SYT16: variants seen among roughly 807,000 people sequenced by gnomAD.
SYT16 encodes synaptotagmin 16.
In SYT16, 42 loss-of-function variants were observed where a neutral mutation model predicts 61.4. The ratio of observed to expected loss-of-function variants is 0.68; its 90% CI spans 0.53 to 0.89. The LOEUF (loss-of-function observed/expected upper bound fraction) is 0.89, where lower values mean the gene tolerates loss of function less well. Ranked by LOEUF, SYT16 falls within the 40% of genes least tolerant of loss-of-function variation. The pLI is 0.00. For synonymous variants in SYT16, 314 were observed against 302.3 expected (o/e 1.04, Z -0.40); for missense variants, 804 against 807.3 (o/e 1.00, Z 0.05).
chr14:62,003,012 G>C (rs1323898177), intron 3 of SYT16, among the ~76,000 whole-genome samples: 1 of 151,990 alleles, frequency 6.6e-6, no homozygotes, highest in South Asian at 2.1e-4. Flanking sequence ...GAATAGCATG[G>C]GGGAAACCAC....
intron 1 of SYT16, among the ~76,000 whole-genome samples, chr14:61,934,630 G>A (rs898145355): frequency 5.3e-5 from 8 of 152,314 alleles, no homozygotes; most frequent in African/African-American, 1.9e-4. Context: ...ACCCAAAAGC[G>A]TTGGATGCAG....
At chr14:62,018,298 CTTTTTTTTTT>C (rs776473522) in intron 3 of SYT16, among the ~76,000 whole-genome samples, 40 of 51,642 alleles carry the variant, frequency 7.7e-4, no homozygotes, top group African/African-American at 2.8e-3. Flanking sequence ...TCTTCTTCTT[CTTTTTTTTTT>C]TTTTTTTTTT....
intron 2 of SYT16, among the ~76,000 whole-genome samples, chr14:61,982,517 G>T (rs1432211736): frequency 6.6e-6 from 1 of 152,000 alleles, no homozygotes; most frequent in Non-Finnish European, 1.5e-5. Flanking sequence ...AGAACAGTAT[G>T]GGGGAAACTG....
At chr14:61,945,268 C>T (rs8003214) in intron 1 of SYT16, among the ~76,000 whole-genome samples, 6,667 of 152,200 alleles carry the variant, frequency 0.044, 263 homozygotes, top group African/African-American at 0.11. Context: ...GAAATAGGAA[C>T]GTTTTTACAC....
chr14:61,920,241 G>A (rs141055383), intron 1 of SYT16, among the ~76,000 whole-genome samples: 2,486 of 152,112 alleles, frequency 0.016, 39 homozygotes, highest in Non-Finnish European at 0.025. Flanking sequence ...TGTTTCCACT[G>A]TTAAGAACTT....
chr14:61,845,006 C>G (rs1163701416), intron 1 of SYT16, among the ~76,000 whole-genome samples: 1 of 149,436 alleles, frequency 6.7e-6, no homozygotes, highest in African/African-American at 2.5e-5. Context: ...AGCAGTGAAG[C>G]CATTGAGTTG....
chr14:61,977,428 T>C (rs1339613012), intron 2 of SYT16, among the ~76,000 whole-genome samples: 2 of 152,186 alleles, frequency 1.3e-5, no homozygotes, highest in Admixed American at 6.5e-5. Flanking sequence ...CTCAGGAAAC[T>C]TAATCATAGC....
chr14:62,003,425 T>G (rs561819718), intron 3 of SYT16, among the ~76,000 whole-genome samples: 37 of 152,002 alleles, frequency 2.4e-4, no homozygotes, highest in African/African-American at 8.9e-4. Flanking sequence ...AAATATTCAT[T>G]TAATTCTTAC....
rs942247893 is a variant in SYT16 at position 61,827,636 on chromosome 14, A to AT, written c.-325+14835dup. Among the ~76,000 whole-genome samples the AT allele has an allele frequency of 3.7e-3, 561 of 151,478 alleles. 4 individuals carry two copies. The highest frequency in any genetic ancestry group is 0.013 in the African/African-American group (524 of 41,276). On this transcript the variant is annotated intron_variant, in intron 1 of 7. Transcript: ENST00000683842. ...GCTGGGACAAGACCTATTGGTCATGATTTTTTTTTGGTTATTCTATTTCCC... is the reference window on the plus strand; with the variant it reads ...GCTGGGACAAGACCTATTGGTCATGATTTTTTTTTTGGTTATTCTATTTCCC...
intron 1 of SYT16, among the ~76,000 whole-genome samples, chr14:61,823,888 T>A (rs1403813701): frequency 6.6e-6 from 1 of 152,248 alleles, no homozygotes; most frequent in Non-Finnish European, 1.5e-5. Flanking sequence ...GAGTTTAAAA[T>A]ATGAAGCTAT....
intron 7 of SYT16, among the ~76,000 whole-genome samples, chr14:62,096,299 C>T (rs535892185): frequency 7.2e-5 from 11 of 152,062 alleles, no homozygotes; most frequent in African/African-American, 2.7e-4. Context: ...ATTAATACAA[C>T]TGGCAAAGAT....
intron 3 of SYT16, among the ~76,000 whole-genome samples, chr14:62,042,686 T>C (rs972435712): frequency 6.6e-6 from 1 of 152,220 alleles, no homozygotes; most frequent in African/African-American, 2.4e-5. Context: ...CGCTAAACAC[T>C]CAAATACTGT....
intron 5 of SYT16, among the ~76,000 whole-genome samples, chr14:62,076,794 G>A (rs2056513122): frequency 1.3e-5 from 2 of 152,158 alleles, no homozygotes; most frequent in South Asian, 4.1e-4. Context: ...CAAATGATTT[G>A]CCTGCCTATT....
chr14:61,937,128 G>A (rs1390525988), intron 1 of SYT16, among the ~76,000 whole-genome samples: 2 of 152,244 alleles, frequency 1.3e-5, no homozygotes, highest in African/African-American at 4.8e-5. Flanking sequence ...GGATGGTGAT[G>A]TCTCTGTGAT....
chr14:61,936,671 C>T (rs551220040), intron 1 of SYT16, among the ~76,000 whole-genome samples: 1 of 152,274 alleles, frequency 6.6e-6, no homozygotes, highest in Admixed American at 6.5e-5. Context: ...TTTCTCTCTG[C>T]TCCCTGTGCC....
At chr14:62,074,487 A>G (rs1342938582) in intron 4 of SYT16, among the ~76,000 whole-genome samples, 1 of 152,230 alleles carries the variant, frequency 6.6e-6, no homozygotes, top group African/African-American at 2.4e-5. Context: ...AAGCAAGCCT[A>G]ATATTTACGG....
At chr14:62,076,003 T>C (rs1018364519) in intron 5 of SYT16, among the ~76,000 whole-genome samples, 5 of 152,260 alleles carry the variant, frequency 3.3e-5, no homozygotes, top group South Asian at 4.1e-4. Context: ...AAATCTCTGA[T>C]AAAAGATACT....
intron 1 of SYT16, among the ~76,000 whole-genome samples, chr14:61,844,067 T>C (rs2046373481): frequency 6.6e-6 from 1 of 152,202 alleles, no homozygotes; most frequent in Non-Finnish European, 1.5e-5. Flanking sequence ...TGGTGCCTTC[T>C]TCAATTTAGT....
At chr14:61,913,016 T>G (rs2048990347) in intron 1 of SYT16, among the ~76,000 whole-genome samples, 1 of 151,772 alleles carries the variant, frequency 6.6e-6, no homozygotes, top group Non-Finnish European at 1.5e-5. Context: ...TTGGTCCTTC[T>G]TCATTTCATC....
Sources: allele counts gnomAD v4.1 joint callset (sites outside exome capture counted in the v4.1 genomes callset), GRCh38; gene constraint gnomAD v4.1.1; transcripts MANE v1.5; gene names NCBI Gene and HGNC (gene_info 2026-07-23, HGNC 2026-07-21).